Variants in LUC7L2 observed in about 807,000 individuals in gnomAD.
LUC7L2 encodes the protein LUC7 like 2, pre-mRNA splicing factor.
Under a neutral mutation model 52.8 loss-of-function variants are expected in LUC7L2, and 25 were observed. The ratio of observed to expected loss-of-function variants is 0.47; its 90% CI spans 0.34 to 0.66. LUC7L2 has a LOEUF of 0.66. LUC7L2 is among the 30% of genes least tolerant of loss of function. LUC7L2 has a pLI of 0.01. For missense variants in LUC7L2, 328 were observed against 497.8 expected, an observed-to-expected ratio of 0.66 and a Z score of 3.25; for synonymous variants, 144 against 160.9, an observed-to-expected ratio of 0.89 and a Z score of 0.80.
At chr7:139,356,314 C>CAAAAAAAAAAAAAAAAAAAAAAAAAAAA, upstream of LUC7L2, among the ~76,000 whole-genome samples, 1 of 82,898 alleles carries the variant, frequency 1.2e-5, no homozygotes, top group Non-Finnish European at 3.3e-5. Flanking sequence ...GACCCTATCT[C>CAAAAAAAAAAAAAAAAAAAAAAAAAAAA]AAAAAAAAAA....
intron 1 of LUC7L2, among the ~76,000 whole-genome samples, chr7:139,349,006 C>A (rs1799363060): frequency 7.5e-6 from 1 of 133,358 alleles, no homozygotes; most frequent in Non-Finnish European, 1.5e-5. Context: ...ACTAAAAATG[C>A]AAAAAACTAG....
chr7:139,401,877 C>T (rs573056381), intron 3 of LUC7L2, among the ~76,000 whole-genome samples: 1 of 152,052 alleles, frequency 6.6e-6, no homozygotes, highest in East Asian at 1.9e-4. Context: ...GCCTCAGCCT[C>T]CCGAGAAGCT....
intron 1 of LUC7L2, chr7:139,375,257 G>A (rs1800649651): frequency 2.0e-6 from 2 of 984,642 alleles, no homozygotes; most frequent in African/African-American, 3.5e-5. Context: ...TTGATAAGCA[G>A]GTTGGATGCT....
In LUC7L2 at chr7:139,360,044, T is replaced by C; in HGVS notation, c.-218T>C. 2.0e-6 allele frequency: 1 copy of C among 507,742 alleles called. No homozygotes were observed. 31.5% of individuals were successfully genotyped at this position (507,742 alleles called of 1,614,324 possible). The stretch of plus-strand genomic sequence containing the variant: ...CGGACGGAGAGTGAGGGCACGAGGG[T>C]CGCTGTCGGGGGCTGTCGTCTTCCA... On this transcript the variant is annotated 5_prime_UTR_variant, in exon 1 of 10. Coordinates refer to ENST00000354926, the MANE Select transcript of LUC7L2 (RefSeq NM_016019.5).
intron 9 of LUC7L2, among the ~76,000 whole-genome samples, chr7:139,421,811 T>A (rs182165948): frequency 1.3e-5 from 2 of 152,358 alleles, no homozygotes; most frequent in East Asian, 3.9e-4. Flanking sequence ...ATTTAAAATT[T>A]AGATAATACA....
chr7:139,383,515 A>C (rs1585098053), intron 2 of LUC7L2, among the ~76,000 whole-genome samples: 1 of 151,326 alleles, frequency 6.6e-6, no homozygotes, highest in Admixed American at 6.6e-5. Context: ...GGGCTCAAGC[A>C]ATTCTCCTGC....
chr7:139,422,918 A>G lies in LUC7L2; in HGVS notation c.*578A>G. On this transcript the variant is annotated 3_prime_UTR_variant, in exon 10 of 10. Transcript: ENST00000354926. ...GTTTTTTGTTTAATGGTGCCTATTTAGAGTTGGAAGTTGAACAGCTGTTGC... is the reference window on the plus strand; with the variant it reads ...GTTTTTTGTTTAATGGTGCCTATTTGGAGTTGGAAGTTGAACAGCTGTTGC... 1 of 399,012 alleles carries G rather than the reference A, an allele frequency of 2.5e-6. No individual in the cohort carries two copies. Among genetic ancestry groups the G allele is most frequent in the Non-Finnish European group, 4.4e-6 (1 of 226,060 alleles). 24.7% of individuals were successfully genotyped at this position (399,012 alleles called of 1,614,324 possible). A position where few individuals can be genotyped will look rare whatever the true frequency, so the allele number is the denominator to read the frequency against.
intron 2 of LUC7L2, among the ~76,000 whole-genome samples, chr7:139,391,775 C>T (rs981898706): frequency 1.5e-4 from 23 of 152,068 alleles, no homozygotes; most frequent in African/African-American, 5.1e-4. Flanking sequence ...TTGGTAGAGA[C>T]GGGGTTTCAC....
At chr7:139,346,064 C>T (rs1799258644) in intron 1 of LUC7L2, 1 of 160,208 alleles carries the variant, frequency 6.2e-6, no homozygotes, top group Non-Finnish European at 1.4e-5. Context: ...ATGGAAAAAC[C>T]CCGTCTCTAC....
Position 139,360,075 on chromosome 7 carries a change from A to G in LUC7L2, c.-187A>G, listed in dbSNP as rs929537977. The G allele has an allele frequency of 1.1e-5, 6 of 549,790 alleles. No homozygotes were observed. Among genetic ancestry groups the G allele is most frequent in the African/African-American group, 1.0e-4 (5 of 49,894 alleles). 34.1% of individuals were successfully genotyped at this position (549,790 alleles called of 1,614,324 possible). A position where few individuals can be genotyped will look rare whatever the true frequency, so the allele number is the denominator to read the frequency against. ...TCGGGGGCTGTCGTCTTCCACGTAC[A>G]CGTCGTCGTGAGGAGCGCAGTCCGG... On this transcript the variant is annotated 5_prime_UTR_variant, in exon 1 of 10. Transcript: ENST00000354926.
At chr7:139,349,150 T>C (rs1799368358) in intron 1 of LUC7L2, among the ~76,000 whole-genome samples, 1 of 152,228 alleles carries the variant, frequency 6.6e-6, no homozygotes, top group African/African-American at 2.4e-5. Flanking sequence ...CAAGACTGTG[T>C]CTCGGAAACA....
upstream of LUC7L2, chr7:139,359,698 G>C (rs917774368): frequency 1.0e-5 from 4 of 398,122 alleles, no homozygotes; most frequent in African/African-American, 8.2e-5. Flanking sequence ...GCGCCTCGGG[G>C]CGGATCCGGC....
upstream of LUC7L2, among the ~76,000 whole-genome samples, chr7:139,355,402 A>G (rs1180056754): frequency 6.6e-6 from 1 of 152,132 alleles, no homozygotes; most frequent in Non-Finnish European, 1.5e-5. Context: ...CCAGGCACAC[A>G]AGAAAAGACT....
At chr7:139,389,997 C>CA (rs35599162) in intron 2 of LUC7L2, among the ~76,000 whole-genome samples, 1 of 151,004 alleles carries the variant, frequency 6.6e-6, no homozygotes, top group Admixed American at 6.6e-5. Flanking sequence ...GATCCCATCT[C>CA]AAAAAAAAAT....
chr7:139,375,833 G>A (rs1036937626), intron 1 of LUC7L2: 1 of 425,902 alleles, frequency 2.3e-6, no homozygotes, highest in Non-Finnish European at 4.0e-6. Flanking sequence ...TTAACAGAAT[G>A]CATTGCTTTC....
At chr7:139,344,031 T>C (rs1799137065) in intron 1 of LUC7L2, among the ~76,000 whole-genome samples, 2 of 151,998 alleles carry the variant, frequency 1.3e-5, no homozygotes, top group Admixed American at 6.6e-5. Context: ...CTCAGAGCTA[T>C]GCACACATCC....
intron 2 of LUC7L2, among the ~76,000 whole-genome samples, chr7:139,378,686 C>T (rs1410846096): frequency 6.6e-6 from 1 of 152,214 alleles, no homozygotes; most frequent in Non-Finnish European, 1.5e-5. Flanking sequence ...AACTATCACA[C>T]TCTGTCCCAA....
At chr7:139,358,317 A>C (rs1799684125), upstream of LUC7L2, among the ~76,000 whole-genome samples, 1 of 152,158 alleles carries the variant, frequency 6.6e-6, no homozygotes, top group Non-Finnish European at 1.5e-5. Flanking sequence ...CGCAATATAC[A>C]TTTAAAGGAA....
intron 5 of LUC7L2, 152 bp from the exon 6 acceptor site, chr7:139,407,022 T>TTTTTTTTTTG: frequency 3.1e-6 from 1 of 319,780 alleles, no homozygotes. Flanking sequence ...TTTTTTTTTT[T>TTTTTTTTTTG]GAGCTGGAGT....
Sources: gnomAD v4.1 joint callset for allele counts (sites outside exome capture counted in the v4.1 genomes callset) on GRCh38, gnomAD v4.1.1 for gene constraint, MANE v1.5 for transcripts, NCBI Gene and HGNC (gene_info 2026-07-23, HGNC 2026-07-21) for gene names.